The following EYS variants were observed in gnomAD, a reference collection of about 807,000 sequenced individuals.
EYS encodes the protein EGF-like photoreceptor maintenance factor.
Under a neutral mutation model 282.1 loss-of-function variants are expected in EYS, and 250 were observed. That is an observed-to-expected ratio of 0.89 (90% CI 0.80 to 0.98). The LOEUF is 0.98. EYS is among the 50% of genes least tolerant of loss of function. EYS has a pLI of 0.00. For missense variants in EYS, 4,016 were observed against 3,709.0 expected, an observed-to-expected ratio of 1.08 and a Z score of -2.15; for synonymous variants, 1,355 against 1,282.9, an observed-to-expected ratio of 1.06 and a Z score of -1.20.
chr6:65,091,200 G>T (rs529755376), intron 12 of EYS, among the ~76,000 whole-genome samples: 1 of 149,474 alleles, frequency 6.7e-6, no homozygotes, highest in Admixed American at 6.7e-5. Flanking sequence ...TTGGGAGGCC[G>T]AGGTGGGTGG....
chr6:64,073,812 C>T (rs1562186663), intron 32 of EYS, among the ~76,000 whole-genome samples: 1 of 151,370 alleles, frequency 6.6e-6, no homozygotes, highest in African/African-American at 2.4e-5. Context: ...ATATATAGGG[C>T]AAATGTTAAA....
At chr6:64,816,864 T>C (rs555198177) in intron 21 of EYS, among the ~76,000 whole-genome samples, 1 of 152,094 alleles carries the variant, frequency 6.6e-6, no homozygotes, top group African/African-American at 2.4e-5. Context: ...ACTTAAAATA[T>C]CTTAAATATC....
At chr6:64,529,346 C>T (rs1353068413) in intron 26 of EYS, among the ~76,000 whole-genome samples, 1 of 152,026 alleles carries the variant, frequency 6.6e-6, no homozygotes, top group Non-Finnish European at 1.5e-5. Flanking sequence ...CCAATTCATA[C>T]ACAATCTTCA....
chr6:65,193,787 C>T (rs1352687408), intron 12 of EYS, among the ~76,000 whole-genome samples: 3 of 151,634 alleles, frequency 2.0e-5, no homozygotes, highest in Non-Finnish European at 4.4e-5. Context: ...ATAACAATTG[C>T]CACCCTGAGG....
chr6:65,591,147 T>A (rs998383348), intron 2 of EYS, among the ~76,000 whole-genome samples: 1 of 151,818 alleles, frequency 6.6e-6, no homozygotes. Flanking sequence ...ACATTTGTTA[T>A]TTTTTGTCTT....
chr6:64,420,045 T>C (rs1281878087), intron 28 of EYS, among the ~76,000 whole-genome samples: 1 of 152,180 alleles, frequency 6.6e-6, no homozygotes, highest in Non-Finnish European at 1.5e-5. Context: ...CATCCAGGCA[T>C]TTCCATACCT....
chr6:65,375,745 T>C (rs139508631), intron 8 of EYS, among the ~76,000 whole-genome samples: 98 of 152,038 alleles, frequency 6.4e-4, no homozygotes, highest in African/African-American at 2.3e-3. Context: ...CAAGTATCAA[T>C]AGCTGAGTTG....
chr6:65,600,307 GCCC>G (rs1298456909), intron 2 of EYS, among the ~76,000 whole-genome samples: 2 of 151,942 alleles, frequency 1.3e-5, no homozygotes, highest in Non-Finnish European at 2.9e-5. Context: ...TTATAGCTGA[GCCC>G]CTAGTGATTC....
At chr6:64,361,510 T>A (rs1484473117) in intron 29 of EYS, among the ~76,000 whole-genome samples, 1 of 151,812 alleles carries the variant, frequency 6.6e-6, no homozygotes, top group Non-Finnish European at 1.5e-5. Flanking sequence ...AGTATTAACA[T>A]TTTTTAGTCT....
At chr6:64,293,424 CTTTCTATCTTTGG>C (rs967530056) in intron 30 of EYS, among the ~76,000 whole-genome samples, 1 of 152,038 alleles carries the variant, frequency 6.6e-6, no homozygotes, top group Non-Finnish European at 1.5e-5. Flanking sequence ...ATCTCTGGTG[CTTTCTATCTTTGG>C]TTTCTGTATC....
intron 36 of EYS, among the ~76,000 whole-genome samples, chr6:63,856,973 C>T (rs998779386): frequency 5.3e-5 from 8 of 152,188 alleles, no homozygotes; most frequent in African/African-American, 1.2e-4. Flanking sequence ...ACTTATATCA[C>T]GATTAGATTT....
chr6:64,000,168 CTTTTTTTTTTTTTTTTTTTTTTTTTTTT>C (rs71551553), intron 33 of EYS, among the ~76,000 whole-genome samples: 2 of 42,734 alleles, frequency 4.7e-5, no homozygotes, highest in South Asian at 1.0e-3. Flanking sequence ...AGACATGGGA[CTTTTTTTTTTTTTTTTTTTTTTTTTTTT>C]TTTTTTTTTT....
At chr6:64,388,934 GTAAA>G (rs1773005853) in intron 28 of EYS, 94 bp from the exon 29 acceptor site, 2 of 818,312 alleles carry the variant, frequency 2.4e-6, no homozygotes, top group Non-Finnish European at 1.7e-6. Flanking sequence ...AATAATTTAA[GTAAA>G]TAGATTATTT....
At chr6:65,064,175 A>C (rs902213659) in intron 12 of EYS, among the ~76,000 whole-genome samples, 2 of 143,294 alleles carry the variant, frequency 1.4e-5, no homozygotes, top group Admixed American at 1.4e-4. Flanking sequence ...AATATATATA[A>C]TATATAGTAT....
intron 11 of EYS, among the ~76,000 whole-genome samples, chr6:65,334,529 C>A (rs1329980756): frequency 6.6e-6 from 1 of 151,824 alleles, no homozygotes; most frequent in Non-Finnish European, 1.5e-5. Flanking sequence ...CCTGGCCTCC[C>A]AAAACACTGA....
chr6:65,554,586 T>C (rs1768723799), intron 2 of EYS, among the ~76,000 whole-genome samples: 1 of 152,182 alleles, frequency 6.6e-6, no homozygotes, highest in South Asian at 2.1e-4. Flanking sequence ...CCTTCTACAG[T>C]AATTACTATA....
chr6:64,209,406 G>A (rs1765697047), intron 31 of EYS, among the ~76,000 whole-genome samples: 1 of 152,046 alleles, frequency 6.6e-6, no homozygotes, highest in African/African-American at 2.4e-5. Context: ...AACTGATTAA[G>A]CTGAAATATT....
intron 29 of EYS, among the ~76,000 whole-genome samples, chr6:64,365,108 TA>T (rs1280076278): frequency 6.6e-6 from 1 of 151,334 alleles, no homozygotes; most frequent in Admixed American, 6.6e-5. Context: ...AAGAAAGAAA[TA>T]AAAAATAATG....
In EYS at chr6:64,230,758, A is replaced by T; in HGVS notation, c.6258T>A (p.Val2086=). Residue 2086 remains valine (V), a synonymous_variant, in exon 31 of 43, where the codon GTT becomes GTA. Coordinates refer to ENST00000503581, the MANE Select transcript of EYS (RefSeq NM_001142800.2). ...GGCTGACAGAAGTCCACATGGTATC[A>T]ACCCCTTGTGTCACATCAGAAGCAT... ...FVDASDVTQG[V]DTMWTSVSPS... The T allele has an allele frequency of 6.4e-7, 1 of 1,551,598 alleles. No individual in the cohort carries two copies. Among genetic ancestry groups the T allele is most frequent in the Non-Finnish European group, 8.7e-7 (1 of 1,146,896 alleles).
Sources: allele counts gnomAD v4.1 joint callset (sites outside exome capture counted in the v4.1 genomes callset), GRCh38; gene constraint gnomAD v4.1.1; transcripts MANE v1.5; gene names NCBI Gene and HGNC (gene_info 2026-07-23, HGNC 2026-07-21).